Variants in FER observed in about 807,000 individuals in gnomAD.
The protein encoded by FER is tyrosine-protein kinase Fer.
In FER, 63 loss-of-function variants were observed where a neutral mutation model predicts 111.0. That is an observed-to-expected ratio of 0.57 (90% CI 0.46 to 0.70). The LOEUF is 0.70. Ranked by LOEUF, FER falls within the 30% of genes least tolerant of loss-of-function variation. The probability of loss-of-function intolerance (pLI) is 0.00; values close to 1 mark genes in which losing one functional copy is unlikely to be tolerated. For missense variants in FER, 914 were observed against 954.0 expected (o/e 0.96, Z 0.55); for synonymous variants, 327 against 313.9 (o/e 1.04, Z -0.44).
At chr5:109,029,695 C>T (rs1769322478) in intron 13 of FER, among the ~76,000 whole-genome samples, 1 of 152,106 alleles carries the variant, frequency 6.6e-6, no homozygotes, top group South Asian at 2.1e-4. Context: ...GAGAAGTCTG[C>T]TTTCTGTGAA....
At chr5:108,871,969 C>A in intron 7 of FER, 124 bp from the exon 8 acceptor site, 1 of 967,542 alleles carries the variant, frequency 1.0e-6, no homozygotes, top group Middle Eastern at 3.2e-4. Context: ...TTGATTTATA[C>A]TATTTGTGTT....
intron 2 of FER, among the ~76,000 whole-genome samples, chr5:108,787,097 TGGG>T (rs1334760427): frequency 1.3e-5 from 2 of 152,034 alleles, no homozygotes; most frequent in East Asian, 3.9e-4. Flanking sequence ...AGCTGCAGCT[TGGG>T]GCCCAGGAAG....
In FER at chr5:109,187,958, T is replaced by A. The variant is rs1485663286; in HGVS notation, c.*383T>A. 1 of 193,388 alleles carries A rather than the reference T, an allele frequency of 5.2e-6. No individual in the cohort carries two copies. Among genetic ancestry groups the A allele is most frequent in the Non-Finnish European group, 1.0e-5 (1 of 96,086 alleles). The allele number at this position is 193,388 out of a possible 1,614,324, so 12.0% of individuals were successfully genotyped here. A position where few individuals can be genotyped will look rare whatever the true frequency, so the allele number is the denominator to read the frequency against. ...CACAGACCCTACTCCGTTGGTGCTATAAACAGCATTGGTAATGCCATGTTT... is the reference window on the plus strand; with the variant it reads ...CACAGACCCTACTCCGTTGGTGCTAAAAACAGCATTGGTAATGCCATGTTT... On this transcript the variant is annotated 3_prime_UTR_variant, in exon 20 of 20. Transcript: ENST00000281092.
chr5:108,894,254 C>G (rs533301222), intron 9 of FER: 1 of 399,690 alleles, frequency 2.5e-6, no homozygotes, highest in Non-Finnish European at 4.0e-6. Flanking sequence ...AACAAACAAA[C>G]AAAACCTCTT....
At chr5:109,174,279 T>C (rs916846551) in intron 17 of FER, among the ~76,000 whole-genome samples, 1 of 152,118 alleles carries the variant, frequency 6.6e-6, no homozygotes, top group Admixed American at 6.5e-5. Flanking sequence ...TATTTATGTA[T>C]TCTGTTCAAA....
intron 13 of FER, among the ~76,000 whole-genome samples, chr5:108,995,613 A>G (rs186351749): frequency 1.3e-5 from 2 of 152,058 alleles, no homozygotes; most frequent in Non-Finnish European, 2.9e-5. Flanking sequence ...TTTTATGGCT[A>G]CTTAGTATTC....
intron 13 of FER, among the ~76,000 whole-genome samples, chr5:109,004,627 T>G (rs959795319): frequency 6.6e-6 from 1 of 152,182 alleles, no homozygotes; most frequent in Non-Finnish European, 1.5e-5. Context: ...TGACCACAAA[T>G]TTACCATATG....
At chr5:109,061,641 T>A (rs2149966720) in intron 16 of FER, among the ~76,000 whole-genome samples, 1 of 152,334 alleles carries the variant, frequency 6.6e-6, no homozygotes, top group South Asian at 2.1e-4. Context: ...CATGAATCCC[T>A]ATTTCATAAT....
At chr5:109,141,218 A>G (rs1272178482) in intron 17 of FER, among the ~76,000 whole-genome samples, 1 of 152,192 alleles carries the variant, frequency 6.6e-6, no homozygotes, top group Non-Finnish European at 1.5e-5. Flanking sequence ...ATATAAATTC[A>G]ACTTCCTTTC....
In FER at chr5:109,179,700, A is replaced by G. The variant is rs1280785329; in HGVS notation, c.2049-1047A>G. 9.2e-5 allele frequency among the ~76,000 whole-genome samples: 14 copies of G among 152,278 alleles called. 1 individual carries two copies. The highest frequency in any genetic ancestry group is 2.0e-4 in the Admixed American group (3 of 15,284). On this transcript the variant is annotated intron_variant, in intron 17 of 19. Coordinates refer to ENST00000281092, the MANE Select transcript of FER (RefSeq NM_005246.4). ...ATTCCCTAAATATAACAACTATTAC[A>G]TAGCATTTACAATGTATTATGTATT...
intron 8 of FER, among the ~76,000 whole-genome samples, chr5:108,879,529 AT>A (rs965838942): frequency 1.3e-5 from 2 of 151,684 alleles, no homozygotes; most frequent in African/African-American, 4.8e-5. Context: ...GTACTTTGAA[AT>A]TTATGAACTA....
chr5:108,975,682 T>G (rs150616350), intron 13 of FER, among the ~76,000 whole-genome samples: 3 of 152,294 alleles, frequency 2.0e-5, no homozygotes, highest in African/African-American at 7.2e-5. Context: ...AGGTAAGAAA[T>G]AGAAGTGACA....
At chr5:109,015,718 G>A (rs1361344767) in intron 13 of FER, among the ~76,000 whole-genome samples, 1 of 152,004 alleles carries the variant, frequency 6.6e-6, no homozygotes, top group Non-Finnish European at 1.5e-5. Flanking sequence ...GGAATCATGA[G>A]CAACCCTATA....
At chr5:108,879,701 A>AAAATATAT in intron 8 of FER, among the ~76,000 whole-genome samples, 12 of 99,094 alleles carry the variant, frequency 1.2e-4, no homozygotes, top group African/African-American at 5.7e-4. Context: ...ATTAAAAAAA[A>AAAATATAT]ATATATATAT....
chr5:109,017,530 G>A (rs2149820215), intron 13 of FER, among the ~76,000 whole-genome samples: 1 of 151,960 alleles, frequency 6.6e-6, no homozygotes, highest in East Asian at 1.9e-4. Flanking sequence ...GTTATTCATT[G>A]TTGAACCTTT....
chr5:108,882,900 C>G (rs1367196534), intron 8 of FER, among the ~76,000 whole-genome samples: 3 of 151,636 alleles, frequency 2.0e-5, no homozygotes, highest in Non-Finnish European at 4.4e-5. Flanking sequence ...TAAAGTATTA[C>G]TACAATATGT....
rs1773750910 is a variant in FER at position 109,057,080 on chromosome 5, G to T, written c.1924+9882G>T. Among the ~76,000 whole-genome samples, 3 of 152,154 alleles carry T rather than the reference G, an allele frequency of 2.0e-5. 1 individual carries two copies. The South Asian group carries it at 6.2e-4, about 32-fold the overall frequency. ...TCCATGGACATAGTATATCTCTGTA[G>T]TTACATAGGTTGTCTGCAATTTCTC... On this transcript the variant is annotated intron_variant, in intron 16 of 19. Transcript: ENST00000281092.
chr5:108,851,507 A>G (rs1255002205), intron 5 of FER, among the ~76,000 whole-genome samples: 3 of 152,166 alleles, frequency 2.0e-5, no homozygotes, highest in Non-Finnish European at 2.9e-5. Context: ...ACCTATATAT[A>G]TACACATGCA....
At chr5:109,062,145 C>T (rs1259378529) in intron 16 of FER, among the ~76,000 whole-genome samples, 2 of 151,830 alleles carry the variant, frequency 1.3e-5, no homozygotes, top group African/African-American at 4.8e-5. Context: ...AAAAGATGAC[C>T]CCTTACTTTA....
Sources: allele counts gnomAD v4.1 joint callset (sites outside exome capture counted in the v4.1 genomes callset), GRCh38; gene constraint gnomAD v4.1.1; transcripts MANE v1.5; gene names NCBI Gene and HGNC (gene_info 2026-07-23, HGNC 2026-07-21).